SLC17A8: variants seen among roughly 807,000 people sequenced by gnomAD.
SLC17A8 encodes the protein solute carrier family 17 member 8, also known as vesicular glutamate transporter 3.
A neutral mutation model predicts 58.0 loss-of-function variants in SLC17A8; 31 were observed. The ratio of observed to expected loss-of-function variants is 0.53; its 90% confidence interval spans 0.40 to 0.72. SLC17A8 has a LOEUF of 0.72. SLC17A8 is among the 30% of genes least tolerant of loss of function. SLC17A8 has a pLI of 0.00. For missense variants in SLC17A8, 655 were observed against 727.8 expected (o/e 0.90, Z 1.15); for synonymous variants, 228 against 249.0 (o/e 0.92, Z 0.79).
In SLC17A8 at chr12:100,420,304, A is replaced by C; in HGVS notation, c.*145A>C. 3.0e-6 allele frequency: 2 copies of C among 663,796 alleles called. No individual in the cohort carries two copies. Among genetic ancestry groups the C allele is most frequent in the Non-Finnish European group, 5.3e-6 (2 of 378,708 alleles). 41.1% of individuals were successfully genotyped at this position (663,796 alleles called of 1,614,324 possible). ...CAGCAACAGGGAAAAGAGAAATATT[A>C]TCTTTCAATGACATGTATAGGTAAG... On this transcript the variant is annotated 3_prime_UTR_variant, in exon 12 of 12. Transcript: ENST00000323346.
intron 9 of SLC17A8, among the ~76,000 whole-genome samples, chr12:100,411,428 C>T (rs1031075264): frequency 2.6e-5 from 4 of 152,060 alleles, no homozygotes; most frequent in Non-Finnish European, 5.9e-5. Flanking sequence ...TGCAGTGAGC[C>T]AAGATCATGC....
chr12:100,366,862 C>G (rs567892658), intron 1 of SLC17A8, among the ~76,000 whole-genome samples: 1 of 152,282 alleles, frequency 6.6e-6, no homozygotes, highest in South Asian at 2.1e-4. Flanking sequence ...TCTGAGATTC[C>G]TATGGGCTGA....
chr12:100,395,487 G>A (rs1015046305), intron 4 of SLC17A8, among the ~76,000 whole-genome samples: 37 of 151,908 alleles, frequency 2.4e-4, no homozygotes, highest in African/African-American at 7.7e-4. Flanking sequence ...CACTGCACCC[G>A]GCTAATTTTT....
intron 1 of SLC17A8, among the ~76,000 whole-genome samples, chr12:100,364,936 C>T (rs1379621332): frequency 1.3e-5 from 2 of 152,328 alleles, no homozygotes; most frequent in East Asian, 3.9e-4. Context: ...CATGCTCTAA[C>T]ATACCAAATT....
chr12:100,419,947 T>C lies in SLC17A8; in HGVS notation c.1558T>C (p.Cys520Arg), dbSNP rs756047958. ...ADPENLSEEK[C>R]GIIDQDELAE... ...CCCAGAGAATCTCTCTGAGGAGAAA[T>C]GTGGAATCATTGACCAGGACGAATT... is the stretch of plus-strand genomic sequence containing the variant. Residue 520 changes from cysteine (C) to arginine (R), a missense_variant, in exon 12 of 12, where the codon TGT becomes CGT. Transcript: ENST00000323346. The C allele has an allele frequency of 1.9e-6, 3 of 1,613,828 alleles. No homozygotes were observed. The highest frequency in any genetic ancestry group is 2.5e-6 in the Non-Finnish European group (3 of 1,180,010).
chr12:100,358,367 G>A (rs1056854989), intron 1 of SLC17A8, among the ~76,000 whole-genome samples: 9 of 152,012 alleles, frequency 5.9e-5, no homozygotes, highest in African/African-American at 2.2e-4. Flanking sequence ...ATGCCATCTG[G>A]TGTGTCCTTT....
chr12:100,403,241 C>T (rs1219273302), intron 8 of SLC17A8, among the ~76,000 whole-genome samples: 1 of 152,054 alleles, frequency 6.6e-6, no homozygotes, highest in Non-Finnish European at 1.5e-5. Context: ...TTTTGGGAAG[C>T]CAAGGCTGGC....
chr12:100,408,844 C>T (rs192457862), intron 9 of SLC17A8, among the ~76,000 whole-genome samples: 43 of 152,252 alleles, frequency 2.8e-4, no homozygotes, highest in African/African-American at 9.9e-4. Context: ...GTATATGAAA[C>T]ACTAGCTATT....
At chr12:100,369,049 G>T (rs1305023249) in intron 1 of SLC17A8, among the ~76,000 whole-genome samples, 1 of 152,168 alleles carries the variant, frequency 6.6e-6, no homozygotes, top group Non-Finnish European at 1.5e-5. Context: ...AAGGCAGGGA[G>T]AGGATCACCT....
At chr12:100,402,803 A>G in intron 8 of SLC17A8, 58 bp downstream of exon 8, 3 of 1,498,506 alleles carry the variant, frequency 2.0e-6, no homozygotes, top group South Asian at 1.2e-5. Flanking sequence ...TTCTACAGAG[A>G]ATAACTTTGT....
At chr12:100,396,486 G>A (rs1952755153) in intron 5 of SLC17A8, 69 bp downstream of exon 5, 2 of 1,257,572 alleles carry the variant, frequency 1.6e-6, no homozygotes, top group Non-Finnish European at 2.3e-6. Flanking sequence ...AGTGGCTCAC[G>A]CCTGTAATCT....
At chr12:100,388,780 T>G (rs1034631492) in intron 2 of SLC17A8, among the ~76,000 whole-genome samples, 4 of 152,232 alleles carry the variant, frequency 2.6e-5, no homozygotes, top group Non-Finnish European at 5.9e-5. Context: ...TACTCCATAT[T>G]TGCATTTTGA....
rs61941777 is a variant in SLC17A8, at chr12:100,377,321, T to C, written c.102-3380T>C. 5.4e-3 allele frequency among the ~76,000 whole-genome samples: 816 copies of C among 150,914 alleles called. 5 individuals are homozygous for C. Among genetic ancestry groups the C allele is most frequent in the Non-Finnish European group, 8.2e-3 (559 of 68,014 alleles). ...CTGGTATATGTTGCTTTTTATTATG[T>C]GGCAAGTTCTGTTCTAAATTACCTA... On this transcript the variant is annotated intron_variant, in intron 1 of 11. Coordinates refer to ENST00000323346, the MANE Select transcript of SLC17A8 (RefSeq NM_139319.3).
intron 1 of SLC17A8, among the ~76,000 whole-genome samples, chr12:100,369,086 G>T (rs1952541334): frequency 6.6e-6 from 1 of 152,040 alleles, no homozygotes; most frequent in East Asian, 1.9e-4. Flanking sequence ...GACCAGCCTG[G>T]CCAACATGGT....
At chr12:100,414,037 T>C (rs189564942) in intron 10 of SLC17A8, among the ~76,000 whole-genome samples, 2 of 152,296 alleles carry the variant, frequency 1.3e-5, no homozygotes, top group African/African-American at 4.8e-5. Flanking sequence ...AAATTTCACA[T>C]ATATTGTATA....
At chr12:100,362,957 A>T (rs1952494364) in intron 1 of SLC17A8, among the ~76,000 whole-genome samples, 1 of 152,180 alleles carries the variant, frequency 6.6e-6, no homozygotes, top group African/African-American at 2.4e-5. Flanking sequence ...AAACTAGCCA[A>T]GGCAGTATCA....
At chr12:100,386,088 C>T (rs555200092) in intron 2 of SLC17A8, among the ~76,000 whole-genome samples, 1 of 152,254 alleles carries the variant, frequency 6.6e-6, no homozygotes, top group Admixed American at 6.5e-5. Flanking sequence ...GCTGGATAGT[C>T]CAGATATCTC....
At position 100,417,421 on chromosome 12, in the gene SLC17A8, T is replaced by C. The variant is rs1357564665; in HGVS notation, c.1298-608T>C. ...AGATGAAGAAACAAAGGCCCCCAAA[T>C]TACTTGTTTACATAGTAGAAATAAG... On this transcript the variant is annotated intron_variant, in intron 10 of 11. Coordinates refer to ENST00000323346, the MANE Select transcript of SLC17A8 (RefSeq NM_139319.3). Among the ~76,000 whole-genome samples, 4 of 152,194 alleles carry C rather than the reference T, an allele frequency of 2.6e-5. No individual in the cohort carries two copies. In the East Asian group the frequency reaches 5.8e-4, roughly 22 times the overall value.
At chr12:100,359,272 T>A (rs1383521396) in intron 1 of SLC17A8, among the ~76,000 whole-genome samples, 1 of 152,272 alleles carries the variant, frequency 6.6e-6, no homozygotes, top group Non-Finnish European at 1.5e-5. Context: ...ACCTTAAGTT[T>A]AATTGCTTTT....
Sources: allele counts gnomAD v4.1 joint callset (sites outside exome capture counted in the v4.1 genomes callset), GRCh38; gene constraint gnomAD v4.1.1; transcripts MANE v1.5; gene names NCBI Gene and HGNC (gene_info 2026-07-23, HGNC 2026-07-21).